PIGH: variants seen among roughly 807,000 people sequenced by gnomAD.
PIGH encodes the protein phosphatidylinositol N-acetylglucosaminyltransferase subunit H.
A neutral mutation model predicts 20.1 loss-of-function variants in PIGH; 11 were observed. The observed-to-expected ratio is 0.55, with a 90% CI of 0.34 to 0.91. The LOEUF is 0.91. PIGH is among the 40% of genes least tolerant of loss of function. The pLI is 0.02. For synonymous variants in PIGH, 72 were observed against 93.1 expected, an observed-to-expected ratio of 0.77 and a Z score of 1.31; for missense variants, 189 against 233.6, an observed-to-expected ratio of 0.81 and a Z score of 1.24.
chr14:67,594,395 T>C (rs8004030), intron 1 of PIGH, among the ~76,000 whole-genome samples: 63,815 of 151,964 alleles, frequency 0.42, 15,450 homozygotes, highest in Non-Finnish European at 0.56. Flanking sequence ...ACGCCTGTAC[T>C]CCTAGCACTT....
intron 3 of PIGH, chr14:67,591,794 C>T (rs559213484): frequency 6.6e-6 from 1 of 150,886 alleles, no homozygotes; most frequent in Non-Finnish European, 1.5e-5. Context: ...CAGCCTCCCC[C>T]ACAGTGTTGG....
intron 1 of PIGH, 89 bp from the exon 2 acceptor site, chr14:67,594,041 G>A (rs1201865047): frequency 3.6e-6 from 3 of 840,768 alleles, no homozygotes; most frequent in Non-Finnish European, 3.8e-6. Context: ...GGAGGAAAAG[G>A]AAATTGCTTT....
rs1283269286 is a variant in PIGH, at chr14:67,593,739, T to C, written c.390+4A>G. On this transcript the variant is annotated splice_donor_region_variant and intron_variant, in intron 2 of 3. Coordinates refer to ENST00000216452, the MANE Select transcript of PIGH (RefSeq NM_004569.5). ...CCTGTAATACTTACCTTTTAAATAC[T>C]TACCATGTAAATGGCCTCATTGATG... The C allele has an allele frequency of 6.3e-7, 1 of 1,584,902 alleles. No individual in the cohort carries two copies. The highest frequency in any genetic ancestry group is 2.2e-5 in the East Asian group (1 of 44,770).
chr14:67,600,263 C>T lies in PIGH; in HGVS notation c.-60G>A. The T allele has an allele frequency of 1.4e-5, 19 of 1,377,690 alleles. 1 individual carries two copies. The South Asian group carries it at 2.4e-4, about 17-fold the overall frequency. The allele number at this position is 1,377,690 out of a possible 1,614,324, so 85.3% of individuals were successfully genotyped here. On this transcript the variant is annotated 5_prime_UTR_variant, in exon 1 of 4. Coordinates refer to ENST00000216452, the MANE Select transcript of PIGH (RefSeq NM_004569.5). ...CTGCACTGCGCTCGCCGGCCCTGGC[C>T]GTCTCGCCCGCTCCAGACCCGCTTC... is the stretch of plus-strand genomic sequence containing the variant.
intron 1 of PIGH, among the ~76,000 whole-genome samples, chr14:67,594,648 C>CAA (rs201119278): frequency 1.5e-5 from 2 of 135,764 alleles, no homozygotes; most frequent in Non-Finnish European, 1.6e-5. Context: ...TGAGACATCT[C>CAA]AAAAAAAAAA....
In PIGH at chr14:67,600,234, G is replaced by A. The variant is rs1043950643; in HGVS notation, c.-31C>T. On this transcript the variant is annotated 5_prime_UTR_variant, in exon 1 of 4. Coordinates refer to ENST00000216452, the MANE Select transcript of PIGH (RefSeq NM_004569.5). ...CCCCACTCGGCCGCCCGCACCGCGC[G>A]GCGCTGCACTGCGCTCGCCGGCCCT... 9 of 1,523,686 alleles carry A rather than the reference G, an allele frequency of 5.9e-6. No homozygotes were observed. The highest frequency in any genetic ancestry group is 2.5e-5 in the East Asian group (1 of 40,594). 94.4% of individuals were successfully genotyped at this position (1,523,686 alleles called of 1,614,324 possible).
At chr14:67,596,295 ATTT>A (rs772451900) in intron 1 of PIGH, among the ~76,000 whole-genome samples, 2 of 60,220 alleles carry the variant, frequency 3.3e-5, no homozygotes, top group Admixed American at 3.0e-4. Context: ...CGCCCAGCTA[ATTT>A]TTTTTTTTTT....
At chr14:67,590,686 A>G (rs1487876242) in intron 3 of PIGH, among the ~76,000 whole-genome samples, 1 of 152,132 alleles carries the variant, frequency 6.6e-6, no homozygotes, top group Non-Finnish European at 1.5e-5. Flanking sequence ...TCTCACCCAC[A>G]TCAAGGGGTA....
chr14:67,590,242 C>T, intron 3 of PIGH, 70 bp from the exon 4 acceptor site: 2 of 1,087,004 alleles, frequency 1.8e-6, no homozygotes, highest in Non-Finnish European at 2.5e-6. Flanking sequence ...GCTGCATCCA[C>T]TTGCAAATTT....
intron 1 of PIGH, among the ~76,000 whole-genome samples, chr14:67,598,225 GA>G (rs1258834751): frequency 1.3e-5 from 2 of 152,162 alleles, no homozygotes; most frequent in Admixed American, 6.5e-5. Context: ...AGAGCCCTTA[GA>G]AAGTGTTGCA....
chr14:67,593,502 A>G, intron 2 of PIGH: 2 of 483,124 alleles, frequency 4.1e-6, no homozygotes, highest in East Asian at 7.5e-5. Context: ...AAAAAAAAAA[A>G]AGAAAAAAGA....
chr14:67,590,036 T>A lies in PIGH; in HGVS notation c.*44A>T. ...AAAACCAGCCCCTATGGCTTAAGAGTCATCTCCCATGGAAGACAATGCTGG... is the reference window on the plus strand; with the variant it reads ...AAAACCAGCCCCTATGGCTTAAGAGACATCTCCCATGGAAGACAATGCTGG... On this transcript the variant is annotated 3_prime_UTR_variant, in exon 4 of 4. Transcript: ENST00000216452. 1 of 1,532,442 alleles carries A rather than the reference T, an allele frequency of 6.5e-7. No homozygotes were observed. Among genetic ancestry groups the A allele is most frequent in the Non-Finnish European group, 8.8e-7 (1 of 1,138,460 alleles). The allele number at this position is 1,532,442 out of a possible 1,614,324, so 94.9% of individuals were successfully genotyped here. A position where few individuals can be genotyped will look rare whatever the true frequency, so the allele number is the denominator to read the frequency against.
Position 67,590,016 on chromosome 14 carries a change from C to A in PIGH, c.*64G>T. On this transcript the variant is annotated 3_prime_UTR_variant, in exon 4 of 4. Transcript: ENST00000216452. ...CCTGATGGTTTGGAGTACGGAAAAC[C>A]AGCCCCTATGGCTTAAGAGTCATCT... 6.7e-7 allele frequency: 1 copy of A among 1,492,374 alleles called. No homozygotes were observed. Among genetic ancestry groups the A allele is most frequent in the Admixed American group, 2.4e-5 (1 of 41,742 alleles). The allele number at this position is 1,492,374 out of a possible 1,614,324, so 92.4% of individuals were successfully genotyped here. A position where few individuals can be genotyped will look rare whatever the true frequency, so the allele number is the denominator to read the frequency against.
intron 1 of PIGH, among the ~76,000 whole-genome samples, chr14:67,596,240 T>C (rs1227174678): frequency 1.3e-5 from 2 of 150,210 alleles, no homozygotes; most frequent in East Asian, 4.0e-4. Context: ...GTGATTCTCC[T>C]GCCTCAGCCT....
At chr14:67,591,846 T>C (rs2036376383) in intron 3 of PIGH, 1 of 152,006 alleles carries the variant, frequency 6.6e-6, no homozygotes, top group African/African-American at 2.4e-5. Flanking sequence ...TAAGTGTTTT[T>C]TTTTTTTTGT....
Position 67,600,261 on chromosome 14 carries a change from G to C in PIGH, c.-58C>G. 1 of 1,416,248 alleles carries C rather than the reference G, an allele frequency of 7.1e-7. No individual in the cohort carries two copies. Among genetic ancestry groups the C allele is most frequent in the Non-Finnish European group, 9.3e-7 (1 of 1,070,456 alleles). 87.7% of individuals were successfully genotyped at this position (1,416,248 alleles called of 1,614,324 possible). A position where few individuals can be genotyped will look rare whatever the true frequency, so the allele number is the denominator to read the frequency against. ...CGCTGCACTGCGCTCGCCGGCCCTG[G>C]CCGTCTCGCCCGCTCCAGACCCGCT... On this transcript the variant is annotated 5_prime_UTR_variant, in exon 1 of 4. Coordinates refer to ENST00000216452, the MANE Select transcript of PIGH (RefSeq NM_004569.5).
rs766276193 is a variant in PIGH at position 67,593,909 on chromosome 14, C to T, written c.224G>A (p.Gly75Asp). The T allele has an allele frequency of 4.3e-6, 7 of 1,613,388 alleles. No individual in the cohort carries two copies. The highest frequency in any genetic ancestry group is 1.7e-5 in the Admixed American group (1 of 59,938). Residue 75 changes from glycine to aspartate, a missense_variant, in exon 2 of 4, where the codon GGT becomes GAT. By Grantham distance (94) the Gly-to-Asp change is moderately conservative. Transcript: ENST00000216452. ...CACAAAATGGAGATAACCAAGCAGA[C>T]CTAAGAGGGTGATGAAGATGGCAGC... The part of the protein sequence containing the change: ...LSAAIFITLL[G>D]LLGYLHFVKI...
At chr14:67,594,216 G>A (rs1324189210) in intron 1 of PIGH, among the ~76,000 whole-genome samples, 1 of 152,188 alleles carries the variant, frequency 6.6e-6, no homozygotes, top group Non-Finnish European at 1.5e-5. Flanking sequence ...GAACGCAGTA[G>A]CTTGCACCTG....
Position 67,600,206 on chromosome 14 carries a change from C to G in PIGH, c.-3G>C. 1 of 1,566,722 alleles carries G rather than the reference C, an allele frequency of 6.4e-7. No individual in the cohort carries two copies. ...GAAAAGCTCCGCTCATCCTCCATGACGCCCCCACTCGGCCGCCCGCACCGC... is the reference window on the plus strand; with the variant it reads ...GAAAAGCTCCGCTCATCCTCCATGAGGCCCCCACTCGGCCGCCCGCACCGC... On this transcript the variant is annotated 5_prime_UTR_variant, in exon 1 of 4. Transcript: ENST00000216452.
Sources: allele counts gnomAD v4.1 joint callset (sites outside exome capture counted in the v4.1 genomes callset), GRCh38; gene constraint gnomAD v4.1.1; transcripts MANE v1.5; gene names NCBI Gene and HGNC (gene_info 2026-07-23, HGNC 2026-07-21).